Variants in GRM2 observed in about 807,000 individuals in gnomAD.
GRM2 encodes metabotropic glutamate receptor 2.
A neutral mutation model predicts 60.4 loss-of-function variants in GRM2; 35 were observed. That is an observed-to-expected ratio of 0.58 (90% confidence interval 0.44 to 0.77). The LOEUF is 0.77. GRM2 is among the 30% of genes least tolerant of loss of function. GRM2 has a pLI of 0.00. For synonymous variants in GRM2, 437 were observed against 484.1 expected (o/e 0.90, Z 1.28); for missense variants, 925 against 1,199.5 (o/e 0.77, Z 3.38).
rs1304643908 is a variant in GRM2 at position 51,715,632 on chromosome 3, C to A, written c.1859C>A (p.Thr620Asn). 1 of 1,614,256 alleles carries A rather than the reference C, an allele frequency of 6.2e-7. No homozygotes were observed. ...GGTGTCTTCCTCTGCTACTGCATGA[C>A]CTTCATCTTCATTGCCAAGCCATCC... Reference protein sequence around the residue: ...LGGVFLCYCMTFIFIAKPSTA... With the variant: ...LGGVFLCYCMNFIFIAKPSTA... The change falls in exon 4 of 6, where the codon ACC becomes AAC. Residue 620 changes from threonine (T) to asparagine (N), a missense_variant. Coordinates refer to ENST00000395052, the MANE Select transcript of GRM2 (RefSeq NM_000839.5). The surrounding 1 kb of genome is among the most constrained non-coding windows in gnomAD (Gnocchi z 9.0).
At position 51,715,091 on chromosome 3, in the gene GRM2, G is replaced by A; in HGVS notation, c.1318G>A (p.Glu440Lys). The change falls in exon 4 of 6, where the codon GAG becomes AAG. Residue 440 changes from glutamate (E) to lysine (K), a missense_variant. Glu to Lys is a moderately conservative substitution (Grantham distance 56). Coordinates refer to ENST00000395052, the MANE Select transcript of GRM2 (RefSeq NM_000839.5). The surrounding 1 kb of genome is among the most constrained non-coding windows in gnomAD (Gnocchi z 9.0). ...CTTTCGCCCAGCTGACACCCACAAT[G>A]AGGTCCGCTTTGACCGCTTTGGTGA... ...APFRPADTHN[E>K]VRFDRFGDGI... 1.9e-6 allele frequency: 3 copies of A among 1,563,332 alleles called. No homozygotes were observed. Among genetic ancestry groups the A allele is most frequent in the Non-Finnish European group, 2.6e-6 (3 of 1,150,454 alleles).
chr3:51,712,458 C>T lies in GRM2; in HGVS notation c.451-15C>T, dbSNP rs1199142897. Reference sequence around the variant, plus strand: ...ATCTGACCGCTGATCTTTGCCTTCTCTACTCCTCCCCCAGGTGGCCAACCT... The same window carrying T: ...ATCTGACCGCTGATCTTTGCCTTCTTTACTCCTCCCCCAGGTGGCCAACCT... On this transcript the variant is annotated splice_polypyrimidine_tract_variant and intron_variant, in intron 2 of 5. Transcript: ENST00000395052. This position sits in a 1 kb window ranked among gnomAD's most constrained non-coding sequence, Gnocchi z 5.3. The T allele has an allele frequency of 5.1e-6, 8 of 1,563,270 alleles. No individual in the cohort carries two copies. Among genetic ancestry groups the T allele is most frequent in the Non-Finnish European group, 7.0e-6 (8 of 1,136,840 alleles).
rs1703732391 is a variant in GRM2 at position 51,712,153 on chromosome 3, G to A, written c.451-320G>A. On this transcript the variant is annotated intron_variant, in intron 2 of 5. Coordinates refer to ENST00000395052, the MANE Select transcript of GRM2 (RefSeq NM_000839.5). This position sits in a 1 kb window ranked among gnomAD's most constrained non-coding sequence, Gnocchi z 5.3. The stretch of plus-strand genomic sequence containing the variant: ...GCCTCCCTCTGCCCCAGTGTAGCCA[G>A]GTGCCAACCTCCCTCCACCCAGGCC... Among the ~76,000 whole-genome samples the A allele has an allele frequency of 1.3e-5, 2 of 152,184 alleles. No individual in the cohort carries two copies. Among genetic ancestry groups the A allele is most frequent in the Admixed American group, 6.5e-5 (1 of 15,278 alleles).
Position 51,715,466 on chromosome 3 carries a change from G to A in GRM2, c.1693G>A (p.Asp565Asn), listed in dbSNP as rs375725804. Residue 565 changes from aspartate (D) to asparagine (N), a missense_variant, in exon 4 of 6, where the codon GAT (aspartate) becomes AAT (asparagine). Coordinates refer to ENST00000395052, the MANE Select transcript of GRM2 (RefSeq NM_000839.5). The surrounding 1 kb of genome is among the most constrained non-coding windows in gnomAD (Gnocchi z 9.0). Reference sequence around the variant, plus strand: ...GCCCCAGGAGTACATCCGCTGGGGCGATGCCTGGGCTGTGGGACCTGTCAC... The same window carrying A: ...GCCCCAGGAGTACATCCGCTGGGGCAATGCCTGGGCTGTGGGACCTGTCAC... ...ELPQEYIRWG[D>N]AWAVGPVTIA... 5.6e-6 allele frequency: 9 copies of A among 1,612,484 alleles called. No individual in the cohort carries two copies. Among genetic ancestry groups the A allele is most frequent in the African/African-American group, 4.0e-5 (3 of 74,948 alleles).
In GRM2 at chr3:51,712,617, C is replaced by A. The variant is rs767321005; in HGVS notation, c.595C>A (p.Leu199Ile). The change falls in exon 3 of 6, where the codon CTC becomes ATC. Residue 199 changes from leucine (L) to isoleucine (I), a missense_variant. Physicochemically the swap from Leu to Ile is conservative, Grantham distance 5. Transcript: ENST00000395052. This position sits in a 1 kb window ranked among gnomAD's most constrained non-coding sequence, Gnocchi z 5.3. ...CCAAGCCAAGGCCATGGCTGAGATT[C>A]TCCGCTTCTTCAACTGGACCTATGT... ...FFQAKAMAEI[L>I]RFFNWTYVST... 1 of 1,614,176 alleles carries A rather than the reference C, an allele frequency of 6.2e-7. No individual in the cohort carries two copies. The highest frequency in any genetic ancestry group is 1.7e-5 in the Admixed American group (1 of 60,036).
At chr3:51,707,413 TTC>T (rs1331249165) in intron 1 of GRM2, 1 of 153,310 alleles carries the variant, frequency 6.5e-6, no homozygotes, top group Non-Finnish European at 1.5e-5. Context: ...TGGTCCTTCT[TTC>T]TGTCTGTGCC....
chr3:51,708,053 A>G (rs1470995114), intron 1 of GRM2: 2 of 151,984 alleles, frequency 1.3e-5, no homozygotes, highest in Non-Finnish European at 2.9e-5. Context: ...GAGGCACAAA[A>G]TCTCAAGCAG....
rs1024952885 is a variant in GRM2 at position 51,713,187 on chromosome 3, G to T, written c.1165G>T (p.Ala389Ser). 1 of 1,613,154 alleles carries T rather than the reference G, an allele frequency of 6.2e-7. No individual in the cohort carries two copies. Among genetic ancestry groups the T allele is most frequent in the South Asian group, 1.1e-5 (1 of 91,078 alleles). ...MFVVNAVYAMAHALHNMHRAL... is the reference protein window; with the variant it reads ...MFVVNAVYAMSHALHNMHRAL... The stretch of plus-strand genomic sequence containing the variant: ...TGTGGTCAATGCAGTGTACGCCATG[G>T]CCCATGCGCTCCACAACATGCACCG... Residue 389 changes from alanine to serine, a missense_variant, in exon 3 of 6, where the codon GCC becomes TCC. Transcript: ENST00000395052. This position sits in a 1 kb window ranked among gnomAD's most constrained non-coding sequence, Gnocchi z 4.8.
At chr3:51,708,099 C>T (rs922260432) in intron 1 of GRM2, 1 of 151,792 alleles carries the variant, frequency 6.6e-6, no homozygotes, top group Non-Finnish European at 1.5e-5. Flanking sequence ...CGCACTCTCA[C>T]CCTCAGCACT....
Position 51,708,873 on chromosome 3 carries a change from T to C in GRM2, c.-111T>C. ...GAGCTGGGTCCCTTCGCATCTCTCT[T>C]CTTGTCTGTCCTTTCCTGGTCCCTG... is the stretch of plus-strand genomic sequence containing the variant. On this transcript the variant is annotated 5_prime_UTR_variant, in exon 2 of 6. Transcript: ENST00000395052. 1.3e-6 allele frequency: 1 copy of C among 795,714 alleles called. No individual in the cohort carries two copies. Among genetic ancestry groups the C allele is most frequent in the Non-Finnish European group, 1.9e-6 (1 of 518,904 alleles). The allele number at this position is 795,714 out of a possible 1,614,324, so 49.3% of individuals were successfully genotyped here. A position where few individuals can be genotyped will look rare whatever the true frequency, so the allele number is the denominator to read the frequency against.
intron 2 of GRM2, among the ~76,000 whole-genome samples, chr3:51,710,551 G>A (rs1703676287): frequency 6.6e-6 from 1 of 152,172 alleles, no homozygotes; most frequent in South Asian, 2.1e-4. Context: ...GGATTGGAGA[G>A]GGGTGGCCAG....
intron 2 of GRM2, 140 bp downstream of exon 2, chr3:51,709,573 C>T: frequency 1.6e-6 from 1 of 619,106 alleles, no homozygotes; most frequent in Non-Finnish European, 2.8e-6. Flanking sequence ...TTTACAGAAG[C>T]TAAGAAAGTG....
intron 2 of GRM2, among the ~76,000 whole-genome samples, chr3:51,709,697 TCACA>T (rs1243631413): frequency 1.3e-3 from 4 of 3,108 alleles, no homozygotes; most frequent in South Asian, 0.013. Context: ...CCACACACCC[TCACA>T]CACACACACA....
chr3:51,711,080 G>A (rs1362227000), intron 2 of GRM2, among the ~76,000 whole-genome samples: 1 of 152,258 alleles, frequency 6.6e-6, no homozygotes, highest in Non-Finnish European at 1.5e-5. Flanking sequence ...GAACCCTGGA[G>A]TCAGCTACCG....
In GRM2 at chr3:51,712,145, T is replaced by G. The variant is rs976978252; in HGVS notation, c.451-328T>G. ...CATCTCATGCCTCCCTCTGCCCCAGTGTAGCCAGGTGCCAACCTCCCTCCA... is the reference window on the plus strand; with the variant it reads ...CATCTCATGCCTCCCTCTGCCCCAGGGTAGCCAGGTGCCAACCTCCCTCCA... On this transcript the variant is annotated intron_variant, in intron 2 of 5. Transcript: ENST00000395052. The surrounding 1 kb of genome is among the most constrained non-coding windows in gnomAD (Gnocchi z 5.3). 1.6e-4 allele frequency among the ~76,000 whole-genome samples: 24 copies of G among 152,268 alleles called. No homozygotes were observed. Among genetic ancestry groups the G allele is most frequent in the Admixed American group, 4.6e-4 (7 of 15,298 alleles).
intron 3 of GRM2, chr3:51,714,816 G>C (rs780287700): frequency 1.7e-5 from 7 of 411,028 alleles, no homozygotes; most frequent in Non-Finnish European, 3.0e-5. Flanking sequence ...TGGGCTTTAA[G>C]GCTGGGATTA....
Position 51,717,566 on chromosome 3 carries a change from G to C in GRM2, c.2365-71G>C. 1 of 1,265,506 alleles carries C rather than the reference G, an allele frequency of 7.9e-7. No individual in the cohort carries two copies. The highest frequency in any genetic ancestry group is 1.1e-6 in the Non-Finnish European group (1 of 885,012). The allele number at this position is 1,265,506 out of a possible 1,614,324, so 78.4% of individuals were successfully genotyped here. ...AGTCTCCCCCACTCCCTCCCCCACA[G>C]ATCAGGCAGGGGGTCCTGGGGTCAG... On this transcript the variant is annotated intron_variant, in intron 4 of 5. Coordinates refer to ENST00000395052, the MANE Select transcript of GRM2 (RefSeq NM_000839.5). The surrounding 1 kb of genome is among the most constrained non-coding windows in gnomAD (Gnocchi z 6.0).
In GRM2 at chr3:51,713,101, G is replaced by A. The variant is rs1461431300; in HGVS notation, c.1079G>A (p.Arg360Gln). Residue 360 changes from arginine (R) to glutamine (Q), a missense_variant, in exon 3 of 6, where the codon CGA (arginine) becomes CAA (glutamine). Arg to Gln is a conservative substitution (Grantham distance 43). Transcript: ENST00000395052. The surrounding 1 kb of genome is among the most constrained non-coding windows in gnomAD (Gnocchi z 4.8). ...AGGTTCCGCTGCAGCTTCCGGCAGC[G>A]AGACTGCGCAGCCCACTCTCTCCGG... ...EQRFRCSFRQ[R>Q]DCAAHSLRAV... is the part of the protein sequence containing the mutation. 12 of 1,613,156 alleles carry A rather than the reference G, an allele frequency of 7.4e-6. No individual in the cohort carries two copies. Among genetic ancestry groups the A allele is most frequent in the South Asian group, 2.2e-5 (2 of 91,088 alleles).
At position 51,716,943 on chromosome 3, in the gene GRM2, C is replaced by T. The variant is rs1317657877; in HGVS notation, c.2365-694C>T. ...TGGCACAGTGCTGGGGGCCAGGGAC[C>T]GCTGGGCTTGGCTGCTCTGCTTGCA... On this transcript the variant is annotated intron_variant, in intron 4 of 5. Coordinates refer to ENST00000395052, the MANE Select transcript of GRM2 (RefSeq NM_000839.5). The surrounding 1 kb of genome is among the most constrained non-coding windows in gnomAD (Gnocchi z 4.0). 6.6e-6 allele frequency among the ~76,000 whole-genome samples: 1 copy of T among 152,136 alleles called. No homozygotes were observed. Among genetic ancestry groups the T allele is most frequent in the African/African-American group, 2.4e-5 (1 of 41,420 alleles).
Sources: gnomAD v4.1 joint callset for allele counts (sites outside exome capture counted in the v4.1 genomes callset) on GRCh38, gnomAD v4.1.1 for gene constraint, Gnocchi (gnomAD v3.1) non-coding constraint, MANE v1.5 for transcripts, NCBI Gene and HGNC (gene_info 2026-07-23, HGNC 2026-07-21) for gene names.